THADA: variants seen among roughly 807,000 people sequenced by gnomAD.
THADA encodes the protein tRNA (32-2'-O)-methyltransferase regulator THADA.
Under a neutral mutation model 219.8 loss-of-function variants are expected in THADA, and 213 were observed. That is an observed-to-expected ratio of 0.97 (90% CI 0.87 to 1.09). The LOEUF (loss-of-function observed/expected upper bound fraction) is 1.09, where lower values mean the gene tolerates loss of function less well. THADA is among the 50% of genes least tolerant of loss of function. The probability of loss-of-function intolerance (pLI) is 0.00; values close to 1 mark genes in which losing one functional copy is unlikely to be tolerated. For synonymous variants in THADA, 1,018 were observed against 828.9 expected (o/e 1.23, Z -3.92); for missense variants, 2,956 against 2,311.3 (o/e 1.28, Z -5.72).
chr2:43,412,599 T>C (rs558102530), intron 28 of THADA, among the ~76,000 whole-genome samples: 1 of 152,292 alleles, frequency 6.6e-6, no homozygotes, highest in South Asian at 2.1e-4. Context: ...TCCACTCCCC[T>C]ATATACTTCA....
intron 26 of THADA, among the ~76,000 whole-genome samples, chr2:43,434,778 C>T (rs1395565683): frequency 2.6e-5 from 4 of 152,160 alleles, no homozygotes; most frequent in East Asian, 1.9e-4. Context: ...CAAATTCTTC[C>T]GGTATATCAA....
intron 28 of THADA, among the ~76,000 whole-genome samples, chr2:43,406,879 C>G (rs1405077185): frequency 5.3e-5 from 8 of 152,198 alleles, no homozygotes; most frequent in Admixed American, 1.3e-4. Context: ...AAGGCAGGAG[C>G]TGGGCTGCAG....
chr2:43,264,972 G>C (rs1671357442), intron 36 of THADA, among the ~76,000 whole-genome samples: 1 of 152,240 alleles, frequency 6.6e-6, no homozygotes, highest in Non-Finnish European at 1.5e-5. Flanking sequence ...AGGGCGATGG[G>C]GACCAGCACT....
chr2:43,292,248 A>C, intron 32 of THADA, 26 bp from the exon 33 acceptor site: 1 of 1,434,178 alleles, frequency 7.0e-7, no homozygotes, highest in African/African-American at 1.4e-5. Context: ...CCGCACACAA[A>C]AAAGAGAAAT....
chr2:43,419,033 G>T (rs1335572606), intron 28 of THADA, among the ~76,000 whole-genome samples: 1 of 152,148 alleles, frequency 6.6e-6, no homozygotes, highest in African/African-American at 2.4e-5. Flanking sequence ...TTTTCCTAGA[G>T]CCTGGCTATA....
chr2:43,451,399 C>T (rs907063098), intron 26 of THADA, among the ~76,000 whole-genome samples: 4 of 152,152 alleles, frequency 2.6e-5, no homozygotes, highest in Non-Finnish European at 5.9e-5. Context: ...CCCCACTGTC[C>T]ATTATTCCCT....
intron 26 of THADA, among the ~76,000 whole-genome samples, chr2:43,438,963 T>C (rs1680503558): frequency 1.3e-5 from 2 of 152,224 alleles, no homozygotes; most frequent in Non-Finnish European, 2.9e-5. Flanking sequence ...CTACTTCTTG[T>C]GATGATGTGA....
chr2:43,522,389 T>C (rs1315395963), intron 22 of THADA, among the ~76,000 whole-genome samples: 1 of 152,116 alleles, frequency 6.6e-6, no homozygotes, highest in Non-Finnish European at 1.5e-5. Context: ...CAGGCAATAA[T>C]ACAATGACCA....
intron 15 of THADA, chr2:43,562,738 T>C (rs984287174): frequency 3.9e-5 from 6 of 152,230 alleles, no homozygotes; most frequent in East Asian, 1.9e-4. Context: ...TGTGAGCCTT[T>C]TGAATACTGA....
In THADA at chr2:43,566,325, A is replaced by G. The variant is rs1698673825; in HGVS notation, c.2311+373T>C. The G allele has an allele frequency of 2.1e-5, 12 of 564,132 alleles. No homozygotes were observed. The South Asian group carries it at 3.2e-4, about 15-fold the overall frequency. 34.9% of individuals were successfully genotyped at this position (564,132 alleles called of 1,614,324 possible). On this transcript the variant is annotated intron_variant, in intron 15 of 37. Transcript: ENST00000405975. ...AACCACATTTTAACCACAGAGACTC[A>G]CTGAGAAATATTAAATATAATAGAA...
At chr2:43,490,074 C>G (rs1029216075) in intron 25 of THADA, among the ~76,000 whole-genome samples, 1 of 152,042 alleles carries the variant, frequency 6.6e-6, no homozygotes, top group Non-Finnish European at 1.5e-5. Flanking sequence ...CTTGCAGTTC[C>G]TTTGCTAAAT....
At chr2:43,309,641 C>T (rs2104432582) in intron 31 of THADA, among the ~76,000 whole-genome samples, 1 of 152,248 alleles carries the variant, frequency 6.6e-6, no homozygotes, top group Admixed American at 6.5e-5. Flanking sequence ...TGGAAAAAAA[C>T]TTCTCCAACC....
At chr2:43,484,520 T>C (rs1489723573) in intron 26 of THADA, 1 of 169,080 alleles carries the variant, frequency 5.9e-6, no homozygotes, top group Non-Finnish European at 1.5e-5. Context: ...CAACTGCAAG[T>C]CAATTAGATT....
At chr2:43,291,481 A>AAAAAAAAAAAAAAAAC in intron 34 of THADA, among the ~76,000 whole-genome samples, 1 of 148,312 alleles carries the variant, frequency 6.7e-6, no homozygotes, top group Non-Finnish European at 1.5e-5. Context: ...AAAAAAAAAA[A>AAAAAAAAAAAAAAAAC]ATCCTAAAAC....
At chr2:43,466,551 G>C (rs1228870782) in intron 26 of THADA, among the ~76,000 whole-genome samples, 1 of 151,992 alleles carries the variant, frequency 6.6e-6, no homozygotes, top group Non-Finnish European at 1.5e-5. Context: ...GATCTTTGTG[G>C]GCAAAGACTT....
chr2:43,586,477 GA>G (rs1380314409), intron 6 of THADA, 28 bp from the exon 7 acceptor site: 1 of 1,523,926 alleles, frequency 6.6e-7, no homozygotes, highest in African/African-American at 1.4e-5. Context: ...TGACAAATAA[GA>G]ATTTAAAACT....
At chr2:43,455,362 G>A (rs777569538) in intron 26 of THADA, among the ~76,000 whole-genome samples, 8 of 149,778 alleles carry the variant, frequency 5.3e-5, no homozygotes, top group Non-Finnish European at 1.0e-4. Context: ...CTGCTTCTAC[G>A]GAATTCCCGT....
intron 22 of THADA, among the ~76,000 whole-genome samples, chr2:43,523,114 C>T (rs1692700410): frequency 6.6e-6 from 1 of 151,970 alleles, no homozygotes; most frequent in Admixed American, 6.6e-5. Flanking sequence ...GTCCGTAATC[C>T]CAGCACTTTG....
intron 34 of THADA, 37 bp from the exon 35 acceptor site, chr2:43,287,098 G>T: frequency 6.3e-7 from 1 of 1,577,524 alleles, no homozygotes; most frequent in Admixed American, 1.8e-5. Flanking sequence ...TAGTTCAGAA[G>T]ATGCAACAAG....
Sources: gnomAD v4.1 joint callset for allele counts (sites outside exome capture counted in the v4.1 genomes callset) on GRCh38, gnomAD v4.1.1 for gene constraint, MANE v1.5 for transcripts, NCBI Gene and HGNC (gene_info 2026-07-23, HGNC 2026-07-21) for gene names.